Variants in MEAK7 observed in about 807,000 individuals in gnomAD.
MEAK7 encodes MTOR-associated protein MEAK7.
MEAK7 carries 68 observed loss-of-function variants against 40.5 expected under a neutral mutation model. That is an observed-to-expected ratio of 1.68 (90% CI 1.38 to 2.06). The LOEUF is 2.06. MEAK7 is among the 30% of genes most tolerant of loss of function. The probability of loss-of-function intolerance (pLI) is 0.00; values close to 1 mark genes in which losing one functional copy is unlikely to be tolerated. For synonymous variants in MEAK7, 338 were observed against 231.9 expected (o/e 1.46, Z -4.16); for missense variants, 918 against 580.5 (o/e 1.58, Z -5.98).
At chr16:84,489,538 G>A in intron 3 of MEAK7, 116 bp from the exon 4 acceptor site, 1 of 1,221,636 alleles carries the variant, frequency 8.2e-7, no homozygotes, top group South Asian at 1.6e-5. Context: ...GCCACAATGT[G>A]GGGAAAGGTC....
intron 3 of MEAK7, among the ~76,000 whole-genome samples, chr16:84,490,517 CT>C (rs1913493650): frequency 7.9e-6 from 1 of 126,416 alleles, no homozygotes; most frequent in African/African-American, 3.1e-5. Flanking sequence ...CATCAAAATC[CT>C]TTCTGGTTTG....
chr16:84,483,062 G>A (rs1271275784), intron 5 of MEAK7, among the ~76,000 whole-genome samples: 4 of 152,192 alleles, frequency 2.6e-5, no homozygotes, highest in Non-Finnish European at 1.5e-5. Context: ...CGGGGCAGGT[G>A]GTCACTCCGC....
chr16:84,482,479 G>A, intron 6 of MEAK7, 113 bp downstream of exon 6: 2 of 1,536,578 alleles, frequency 1.3e-6, no homozygotes, highest in Non-Finnish European at 8.9e-7. Flanking sequence ...TGGCGTGCGT[G>A]AGGAACTGAA....
intron 2 of MEAK7, chr16:84,497,672 G>A: frequency 6.8e-7 from 1 of 1,462,920 alleles, no homozygotes; most frequent in South Asian, 1.2e-5. Flanking sequence ...AGAGACTATT[G>A]ATTTCAAAAA....
At position 84,479,458 on chromosome 16, in the gene MEAK7, CGGAATT is replaced by C. The variant is rs1567482635; in HGVS notation, c.*449_*454del. ...TGCCAGCGGAATTCCCTAATGCCAG[CGGAATT>C]CCCTAATGCCAGCGGAATTCCCTAA... On this transcript the variant is annotated 3_prime_UTR_variant, in exon 8 of 8. Transcript: ENST00000343629. The C allele has an allele frequency of 7.2e-6, 1 of 139,222 alleles. No individual in the cohort carries two copies. Among genetic ancestry groups the C allele is most frequent in the African/African-American group, 2.8e-5 (1 of 36,216 alleles). The allele number at this position is 139,222 out of a possible 1,614,324, so 8.6% of individuals were successfully genotyped here.
intron 3 of MEAK7, 99 bp downstream of exon 3, chr16:84,495,584 G>T: frequency 1.5e-5 from 16 of 1,081,484 alleles, no homozygotes; most frequent in Admixed American, 8.4e-5. Context: ...AATACTTTTT[G>T]GTTTACTCCT....
At chr16:84,483,574 A>G (rs1227987697) in intron 5 of MEAK7, among the ~76,000 whole-genome samples, 1 of 152,232 alleles carries the variant, frequency 6.6e-6, no homozygotes, top group African/African-American at 2.4e-5. Flanking sequence ...ACCATGATGG[A>G]ACGCAGATAA....
intron 1 of MEAK7, among the ~76,000 whole-genome samples, chr16:84,503,102 T>C (rs1180550118): frequency 2.0e-5 from 3 of 152,226 alleles, no homozygotes; most frequent in Admixed American, 2.0e-4. Context: ...AGGTTAGGGA[T>C]ATCCAATCTT....
At chr16:84,489,616 C>T (rs1317858871) in intron 3 of MEAK7, among the ~76,000 whole-genome samples, 194 bp from the exon 4 acceptor site, 1 of 152,154 alleles carries the variant, frequency 6.6e-6, no homozygotes, top group Non-Finnish European at 1.5e-5. Flanking sequence ...TTCCCAAAGC[C>T]TTTGTCCAGG....
intron 6 of MEAK7, 53 bp downstream of exon 6, chr16:84,482,539 C>A (rs922004815): frequency 1.2e-6 from 2 of 1,613,220 alleles, no homozygotes; most frequent in Admixed American, 3.3e-5. Flanking sequence ...GGGTTGACAC[C>A]TTTGCTGGGG....
Position 84,486,926 on chromosome 16 carries a change from C to G in MEAK7, c.663G>C (p.Leu221=), listed in dbSNP as rs1913132150. ...GGGTAGTCAGATCAAGAGACGAGCA[C>G]AGGATGAGAAAGCCCTTGCAAATGA... The part of the protein sequence containing the change: ...SVVICKGFLI[L]CSSLDLTTLV... The change falls in exon 5 of 8, where the codon CTG becomes CTC. Residue 221 remains leucine, a synonymous_variant. Transcript: ENST00000343629. 3 of 1,614,188 alleles carry G rather than the reference C, an allele frequency of 1.9e-6. No homozygotes were observed. Among genetic ancestry groups the G allele is most frequent in the Non-Finnish European group, 2.5e-6 (3 of 1,180,040 alleles).
At chr16:84,497,533 G>C (rs1458697414) in intron 2 of MEAK7, 3 of 1,291,344 alleles carry the variant, frequency 2.3e-6, no homozygotes, top group Non-Finnish European at 2.0e-6. Flanking sequence ...AGTCAGGAGG[G>C]ACGTGGTTCA....
intron 3 of MEAK7, among the ~76,000 whole-genome samples, chr16:84,492,569 T>TTTTTTTTATTTATTTA (rs1555513770): frequency 1.4e-5 from 2 of 146,702 alleles, no homozygotes; most frequent in Admixed American, 6.8e-5. Context: ...AAGTGTTTTA[T>TTTTTTTTATTTATTTA]TTTATTTATT....
chr16:84,493,443 T>TCAAGCAAGCAAGAAGTTAATTG, intron 3 of MEAK7, among the ~76,000 whole-genome samples: 1 of 152,224 alleles, frequency 6.6e-6, no homozygotes, highest in East Asian at 1.9e-4. Context: ...CGATCCAATA[T>TCAAGCAAGCAAGAAGTTAATTG]CAAGCAAGCA....
At chr16:84,497,401 T>G (rs1025076751) in intron 2 of MEAK7, 2 of 1,272,098 alleles carry the variant, frequency 1.6e-6, no homozygotes, top group African/African-American at 3.1e-5. Flanking sequence ...ATGAAATTCC[T>G]AGCCATCAAA....
chr16:84,494,484 T>C (rs1421852004), intron 3 of MEAK7, among the ~76,000 whole-genome samples: 1 of 152,230 alleles, frequency 6.6e-6, no homozygotes. Flanking sequence ...AAATAAGCTG[T>C]GCTCTTCTTA....
intron 1 of MEAK7, among the ~76,000 whole-genome samples, chr16:84,501,675 G>A (rs1292868906): frequency 6.6e-6 from 1 of 152,108 alleles, no homozygotes; most frequent in Non-Finnish European, 1.5e-5. Flanking sequence ...TGCATGGGAG[G>A]CCCCAGTAGG....
rs1411277320 is a variant in MEAK7, at chr16:84,479,858, T to C, written c.*55A>G. On this transcript the variant is annotated 3_prime_UTR_variant, in exon 8 of 8. Coordinates refer to ENST00000343629, the MANE Select transcript of MEAK7 (RefSeq NM_020947.4). ...GGGAGGGAAGAGGGGCTGCAGGCGT[T>C]GCCCTCTACCCAGAGGAATCCAGGT... 5.8e-6 allele frequency: 8 copies of C among 1,384,112 alleles called. No homozygotes were observed. Among genetic ancestry groups the C allele is most frequent in the Admixed American group, 2.1e-5 (1 of 47,926 alleles). 85.7% of individuals were successfully genotyped at this position (1,384,112 alleles called of 1,614,324 possible). A position where few individuals can be genotyped will look rare whatever the true frequency, so the allele number is the denominator to read the frequency against.
At chr16:84,481,017 G>T (rs965217530) in intron 6 of MEAK7, among the ~76,000 whole-genome samples, 5 of 151,482 alleles carry the variant, frequency 3.3e-5, no homozygotes, top group East Asian at 1.9e-4. Flanking sequence ...TATATATAGA[G>T]AAAGAGACCT....
Sources: gnomAD v4.1 joint callset for allele counts (sites outside exome capture counted in the v4.1 genomes callset) on GRCh38, gnomAD v4.1.1 for gene constraint, MANE v1.5 for transcripts, NCBI Gene and HGNC (gene_info 2026-07-23, HGNC 2026-07-21) for gene names.